MCFD2: variants seen among roughly 807,000 people sequenced by gnomAD.
MCFD2 encodes the protein multiple coagulation factor deficiency protein 2.
In MCFD2, 11 loss-of-function variants were observed where a neutral mutation model predicts 12.8. That is an observed-to-expected ratio of 0.86 (90% CI 0.54 to 1.42). The LOEUF is 1.42. Ranked by LOEUF, MCFD2 falls within the 40% of genes most tolerant of loss-of-function variation. MCFD2 has a pLI of 0.00. For missense variants in MCFD2, 191 were observed against 178.6 expected (o/e 1.07, Z -0.40); for synonymous variants, 70 against 68.1 (o/e 1.03, Z -0.14).
At chr2:46,910,934 G>A (rs1433321468) in intron 1 of MCFD2, 2 of 152,266 alleles carry the variant, frequency 1.3e-5, no homozygotes, top group Non-Finnish European at 2.9e-5. Flanking sequence ...CAGCCACTCA[G>A]GAGGCTGAGA....
At chr2:46,934,490 T>G (rs1002260607) in intron 1 of MCFD2, among the ~76,000 whole-genome samples, 1 of 151,998 alleles carries the variant, frequency 6.6e-6, no homozygotes, top group Non-Finnish European at 1.5e-5. Flanking sequence ...AACTGGCTGG[T>G]CTCCAACTCC....
chr2:46,935,984 G>A (rs1397520513), intron 1 of MCFD2, among the ~76,000 whole-genome samples: 2 of 151,984 alleles, frequency 1.3e-5, no homozygotes, highest in Non-Finnish European at 2.9e-5. Context: ...CCAGCTACTC[G>A]GGAGGCTGAG....
Position 46,905,409 on chromosome 2 carries a change from A to T in MCFD2, c.*54T>A. 6.2e-7 allele frequency: 1 copy of T among 1,602,700 alleles called. No homozygotes were observed. Among genetic ancestry groups the T allele is most frequent in the South Asian group, 1.1e-5 (1 of 90,612 alleles). On this transcript the variant is annotated 3_prime_UTR_variant, in exon 4 of 4. Coordinates refer to ENST00000319466, the MANE Select transcript of MCFD2 (RefSeq NM_139279.6). ...TTATTTTGCATTACTAAAGTGTTCA[A>T]TCACATTATCACGGGTCACATTTGT...
upstream of MCFD2, chr2:46,916,367 G>C (rs1668790281): frequency 6.1e-6 from 1 of 164,184 alleles, no homozygotes; most frequent in African/African-American, 2.4e-5. Flanking sequence ...TCGCTTCCAC[G>C]GGAGTCCCAG....
upstream of MCFD2, chr2:46,917,215 G>A (rs531690663): frequency 4.3e-6 from 3 of 699,704 alleles, no homozygotes; most frequent in South Asian, 1.5e-5. Context: ...AGCTCGTCTC[G>A]AACTCCTGGG....
In MCFD2 at chr2:46,903,838, A is replaced by G. The variant is rs1668107733; in HGVS notation, c.*1625T>C. 1 of 152,244 alleles carries G rather than the reference A, an allele frequency of 6.6e-6. No individual in the cohort carries two copies. Among genetic ancestry groups the G allele is most frequent in the African/African-American group, 2.4e-5 (1 of 41,450 alleles). The allele number at this position is 152,244 out of a possible 1,614,324, so 9.4% of individuals were successfully genotyped here. ...ATTTGCAGCCTGACTATGCAATAGA[A>G]AAGAAAAACCCATTTTCTGGGGAGA... On this transcript the variant is annotated 3_prime_UTR_variant, in exon 4 of 4. Coordinates refer to ENST00000319466, the MANE Select transcript of MCFD2 (RefSeq NM_139279.6).
chr2:46,908,385 C>T lies in MCFD2; in HGVS notation c.150-416G>A. The T allele has an allele frequency of 6.5e-6, 2 of 308,990 alleles. No homozygotes were observed. The highest frequency in any genetic ancestry group is 5.8e-5 in the South Asian group (2 of 34,190). The allele number at this position is 308,990 out of a possible 1,614,324, so 19.1% of individuals were successfully genotyped here. On this transcript the variant is annotated intron_variant, in intron 2 of 3. Coordinates refer to ENST00000319466, the MANE Select transcript of MCFD2 (RefSeq NM_139279.6). The surrounding 1 kb of genome is among the most constrained non-coding windows in gnomAD (Gnocchi z 4.5). ...AGTTGATTCTCCCACTTCAGCCCCCCAAGTAGCTGGGACCATAGGCATGTA... is the reference window on the plus strand; with the variant it reads ...AGTTGATTCTCCCACTTCAGCCCCCTAAGTAGCTGGGACCATAGGCATGTA...
chr2:46,922,791 C>T (rs1669174754), intron 1 of MCFD2, among the ~76,000 whole-genome samples: 1 of 152,112 alleles, frequency 6.6e-6, no homozygotes, highest in Non-Finnish European at 1.5e-5. Context: ...CAGCAGACAC[C>T]AGCTGGGAGG....
In MCFD2 at chr2:46,941,397, CGCCCGGGCCCCCGCT is replaced by C. The variant is rs1327332776; in HGVS notation, c.-8+160_-8+174del. 2 of 645,894 alleles carry C rather than the reference CGCCCGGGCCCCCGCT, an allele frequency of 3.1e-6. No homozygotes were observed. Among genetic ancestry groups the C allele is most frequent in the African/African-American group, 4.6e-5 (2 of 43,562 alleles). 40.0% of individuals were successfully genotyped at this position (645,894 alleles called of 1,614,324 possible). A position where few individuals can be genotyped will look rare whatever the true frequency, so the allele number is the denominator to read the frequency against. ...GCTGCTGCTGCTGCCCACCCTCCGC[CGCCCGGGCCCCCGCT>C]GCCGCCCGGGCCCCGGCTGCCGTCT... On this transcript the variant is annotated intron_variant, in intron 1 of 2. Transcript: ENST00000409147. The surrounding 1 kb of genome is among the most constrained non-coding windows in gnomAD (Gnocchi z 4.2).
rs1668285450 is a variant in MCFD2, at chr2:46,907,326, T to C, written c.309+484A>G. On this transcript the variant is annotated intron_variant, in intron 3 of 3. Coordinates refer to ENST00000319466, the MANE Select transcript of MCFD2 (RefSeq NM_139279.6). This position sits in a 1 kb window ranked among gnomAD's most constrained non-coding sequence, Gnocchi z 4.1. ...AAGTTATCCTTTGCGGGAAGGATCGTTGGACAGAAAGAGGCAGAACACAGA... is the reference window on the plus strand; with the variant it reads ...AAGTTATCCTTTGCGGGAAGGATCGCTGGACAGAAAGAGGCAGAACACAGA... 5.4e-6 allele frequency: 1 copy of C among 186,146 alleles called. No homozygotes were observed. The highest frequency in any genetic ancestry group is 1.1e-4 in the South Asian group (1 of 9,402). The allele number at this position is 186,146 out of a possible 1,614,324, so 11.5% of individuals were successfully genotyped here. A position where few individuals can be genotyped will look rare whatever the true frequency, so the allele number is the denominator to read the frequency against.
upstream of MCFD2, among the ~76,000 whole-genome samples, chr2:46,917,776 A>G (rs1459904719): frequency 6.6e-6 from 1 of 152,008 alleles, no homozygotes; most frequent in Non-Finnish European, 1.5e-5. Context: ...TCTTGTTTTT[A>G]TTTTACTTGC....
rs1670232604 is a variant in MCFD2, at chr2:46,940,442, C to T, written c.-8+1130G>A. ...GAGGTCTCCCCCCAAGGGTGGACCT[C>T]GGCTGCCCCCGCTAGGCCCCGCCCC... On this transcript the variant is annotated intron_variant, in intron 1 of 2. Coordinates refer to the MCFD2 transcript ENST00000409147. The surrounding 1 kb of genome is among the most constrained non-coding windows in gnomAD (Gnocchi z 4.7). Among the ~76,000 whole-genome samples the T allele has an allele frequency of 6.6e-6, 1 of 152,162 alleles. No individual in the cohort carries two copies. The highest frequency in any genetic ancestry group is 2.1e-4 in the South Asian group (1 of 4,838).
At chr2:46,912,063 C>G (rs1206095677) in intron 1 of MCFD2, among the ~76,000 whole-genome samples, 3 of 152,080 alleles carry the variant, frequency 2.0e-5, no homozygotes, top group Non-Finnish European at 4.4e-5. Context: ...TGGCCAGGGA[C>G]AGTGGCTCAC....
At chr2:46,936,271 G>C (rs1005278378) in intron 1 of MCFD2, among the ~76,000 whole-genome samples, 2 of 152,026 alleles carry the variant, frequency 1.3e-5, no homozygotes, top group Admixed American at 6.6e-5. Context: ...GTTCATCCTT[G>C]TCATTTTTTT....
upstream of MCFD2, among the ~76,000 whole-genome samples, chr2:46,917,723 C>T (rs6758093): frequency 0.13 from 19,057 of 152,174 alleles, 1,731 homozygotes; most frequent in African/African-American, 0.25. Context: ...CACCATACCA[C>T]TGAAACTGCA....
At chr2:46,916,278 G>A (rs2103782625), upstream of MCFD2, 2 of 665,502 alleles carry the variant, frequency 3.0e-6, no homozygotes, top group Non-Finnish European at 3.7e-6. Context: ...AGCCGGCCTT[G>A]GACCCTACGT....
chr2:46,918,314 T>C (rs1668921003), upstream of MCFD2, among the ~76,000 whole-genome samples: 1 of 152,230 alleles, frequency 6.6e-6, no homozygotes, highest in Non-Finnish European at 1.5e-5. Flanking sequence ...GCAAAGCCTG[T>C]TGATGCTATC....
At chr2:46,928,535 C>T (rs549336488) in intron 1 of MCFD2, among the ~76,000 whole-genome samples, 15 of 150,914 alleles carry the variant, frequency 9.9e-5, no homozygotes, top group Non-Finnish European at 1.9e-4. Context: ...TGTGGGAAGC[C>T]GAGACAGGTG....
At chr2:46,927,596 G>A (rs1372259774) in intron 1 of MCFD2, among the ~76,000 whole-genome samples, 3 of 151,826 alleles carry the variant, frequency 2.0e-5, no homozygotes, top group East Asian at 1.9e-4. Context: ...TCCTGACCTC[G>A]TGATCTGCTC....
Sources: allele counts gnomAD v4.1 joint callset (sites outside exome capture counted in the v4.1 genomes callset), GRCh38; gene constraint gnomAD v4.1.1; non-coding constraint Gnocchi (gnomAD v3.1); transcripts MANE v1.5; gene names NCBI Gene and HGNC (gene_info 2026-07-23, HGNC 2026-07-21).